PRSS3: variants seen among roughly 807,000 people sequenced by gnomAD.
PRSS3 encodes trypsin-3.
Under a neutral mutation model 20.8 loss-of-function variants are expected in PRSS3, and 14 were observed. The observed-to-expected ratio is 0.67, with a 90% CI of 0.44 to 1.05. The LOEUF is 1.05. Ranked by LOEUF, PRSS3 falls within the 50% of genes least tolerant of loss-of-function variation. PRSS3 has a pLI of 0.00. For synonymous variants in PRSS3, 91 were observed against 117.6 expected, an observed-to-expected ratio of 0.77 and a Z score of 1.46; for missense variants, 237 against 306.4, an observed-to-expected ratio of 0.77 and a Z score of 1.69.
intron 2 of PRSS3, among the ~76,000 whole-genome samples, chr9:33,797,235 G>A (rs764900878): frequency 6.6e-6 from 1 of 151,872 alleles, no homozygotes; most frequent in Non-Finnish European, 1.5e-5. Context: ...CTGCCTACAC[G>A]AAGAACTCTC....
chr9:33,769,338 A>G (rs1392367182), intron 1 of PRSS3, among the ~76,000 whole-genome samples: 1 of 152,176 alleles, frequency 6.6e-6, no homozygotes, highest in Non-Finnish European at 1.5e-5. Context: ...AAGATGGCCA[A>G]TGTGATGCAT....
Position 33,786,951 on chromosome 9 carries a change from G to A in PRSS3, c.-52-7795G>A, listed in dbSNP as rs1824438737. ...CAGAAGAGGAAACCACAGCTCTTGG[G>A]TAGACACAGCTGCTTCTGTGCTTGT... is the stretch of plus-strand genomic sequence containing the variant. On this transcript the variant is annotated intron_variant, in intron 1 of 5. Transcript: ENST00000342836. 6 of 590,228 alleles carry A rather than the reference G, an allele frequency of 1.0e-5. No individual in the cohort carries two copies. The African/African-American group carries it at 1.1e-4, about 11-fold the overall frequency. The allele number at this position is 590,228 out of a possible 1,614,324, so 36.6% of individuals were successfully genotyped here.
At chr9:33,784,828 C>G (rs1309399434) in intron 1 of PRSS3, among the ~76,000 whole-genome samples, 1 of 152,162 alleles carries the variant, frequency 6.6e-6, no homozygotes, top group Admixed American at 6.5e-5. Flanking sequence ...AAGAGTCAGA[C>G]AATACTTGAT....
Position 33,750,996 on chromosome 9 carries a change from G to C in PRSS3, c.-53+269G>C, listed in dbSNP as rs1350614168. 4.3e-6 allele frequency: 3 copies of C among 692,590 alleles called. No individual in the cohort carries two copies. In the Admixed American group the frequency reaches 1.1e-4, roughly 26 times the overall value. The allele number at this position is 692,590 out of a possible 1,614,324, so 42.9% of individuals were successfully genotyped here. ...CCCCTCCGGGCTGCGGCACCGATGC[G>C]CACACTACTCCCACCGCCCCCGAGT... is the stretch of plus-strand genomic sequence containing the variant. On this transcript the variant is annotated intron_variant, in intron 1 of 5. Coordinates refer to the PRSS3 transcript ENST00000342836. This position sits in a 1 kb window ranked among gnomAD's most constrained non-coding sequence, Gnocchi z 4.8.
At chr9:33,755,834 G>A (rs1441646994) in intron 1 of PRSS3, among the ~76,000 whole-genome samples, 1 of 152,260 alleles carries the variant, frequency 6.6e-6, no homozygotes, top group East Asian at 1.9e-4. Context: ...GAAAAGCCAG[G>A]CTGCCATCAA....
chr9:33,781,989 C>T (rs1587388265), intron 1 of PRSS3, among the ~76,000 whole-genome samples: 1 of 152,196 alleles, frequency 6.6e-6, no homozygotes, highest in East Asian at 1.9e-4. Flanking sequence ...TGGCTGGTCA[C>T]GCCCTTGTGC....
intron 2 of PRSS3, among the ~76,000 whole-genome samples, 180 bp from the exon 3 acceptor site, chr9:33,797,649 G>A (rs1304819149): frequency 6.7e-4 from 101 of 150,824 alleles, no homozygotes; most frequent in African/African-American, 2.4e-3. Context: ...AAGCAGAAAG[G>A]TCCTGGGTCT....
upstream of PRSS3, among the ~76,000 whole-genome samples, chr9:33,791,643 T>A (rs1488832369): frequency 2.0e-5 from 3 of 152,250 alleles, no homozygotes; most frequent in Non-Finnish European, 2.9e-5. Flanking sequence ...GGCTTTCTTC[T>A]GCTTCCTGTC....
In PRSS3 at chr9:33,785,160, A is replaced by ATTTTTTTTTTTTTTTTTTTT. The variant is rs74180504; in HGVS notation, c.-52-9570_-52-9551dup. On this transcript the variant is annotated intron_variant, in intron 1 of 5. Transcript: ENST00000342836. ...GAAAAAGATCATAGCATTGTGGTCA[A>ATTTTTTTTTTTTTTTTTTTT]TTTTTTTTTTTTTTTTTTTTTTTTT... Among the ~76,000 whole-genome samples, 24 of 72,496 alleles carry ATTTTTTTTTTTTTTTTTTTT rather than the reference A, an allele frequency of 3.3e-4. 3 individuals are homozygous for ATTTTTTTTTTTTTTTTTTTT. The highest frequency in any genetic ancestry group is 8.3e-4 in the African/African-American group (11 of 13,326). 47.6% of individuals were successfully genotyped at this position (72,496 alleles called of 152,430 possible).
At chr9:33,783,408 A>C (rs1339205971) in intron 1 of PRSS3, among the ~76,000 whole-genome samples, 2 of 152,210 alleles carry the variant, frequency 1.3e-5, no homozygotes, top group African/African-American at 4.8e-5. Context: ...TTAGAAGTGA[A>C]GTATGCTTTC....
chr9:33,769,208 G>C (rs1418817346), intron 1 of PRSS3, among the ~76,000 whole-genome samples: 1 of 152,116 alleles, frequency 6.6e-6, no homozygotes, highest in Non-Finnish European at 1.5e-5. Flanking sequence ...ACTAAAAAAG[G>C]AATTTTTAGA....
At chr9:33,772,218 A>T (rs1389222132) in intron 1 of PRSS3, among the ~76,000 whole-genome samples, 7 of 152,278 alleles carry the variant, frequency 4.6e-5, no homozygotes, top group Non-Finnish European at 8.8e-5. Context: ...AGAGGGAGTT[A>T]AGTGGGATTT....
intron 1 of PRSS3, among the ~76,000 whole-genome samples, chr9:33,770,607 G>T (rs1218527343): frequency 6.6e-6 from 1 of 152,172 alleles, no homozygotes. Flanking sequence ...CTTTAAAGAA[G>T]TAATTAAATT....
chr9:33,797,925 C>T lies in PRSS3; in HGVS notation c.297C>T (p.Tyr99=). 1 of 1,614,268 alleles carries T rather than the reference C, an allele frequency of 6.2e-7. No homozygotes were observed. The highest frequency in any genetic ancestry group is 8.5e-7 in the Non-Finnish European group (1 of 1,180,052). ...CCAAGATCATCCGCCACCCTAAATACAACAGGGACACTCTGGACAATGACA... is the reference window on the plus strand; with the variant it reads ...CCAAGATCATCCGCCACCCTAAATATAACAGGGACACTCTGGACAATGACA... ...NAAKIIRHPK[Y]NRDTLDNDIM... Residue 99 remains tyrosine, a synonymous_variant, in exon 3 of 5, where the codon TAC becomes TAT. Coordinates refer to ENST00000379405, the MANE Select transcript of PRSS3 (RefSeq NM_002771.4).
chr9:33,751,210 C>T (rs1304521491), intron 1 of PRSS3, among the ~76,000 whole-genome samples: 1 of 152,218 alleles, frequency 6.6e-6, no homozygotes, highest in East Asian at 1.9e-4. Flanking sequence ...GCTCACATAG[C>T]TCTGGGCACT....
chr9:33,795,918 AC>A (rs1170789710), intron 1 of PRSS3, among the ~76,000 whole-genome samples: 2 of 152,218 alleles, frequency 1.3e-5, no homozygotes, highest in Non-Finnish European at 1.5e-5. Flanking sequence ...CTCCAAGAGC[AC>A]CAGTATAGCA....
chr9:33,760,200 T>C (rs1823129292), intron 1 of PRSS3, among the ~76,000 whole-genome samples: 1 of 150,934 alleles, frequency 6.6e-6, no homozygotes, highest in African/African-American at 2.4e-5. Context: ...TTTTTTTTGG[T>C]TGTTTGAAAA....
At chr9:33,768,470 G>A (rs1278171351) in intron 1 of PRSS3, among the ~76,000 whole-genome samples, 15 of 151,396 alleles carry the variant, frequency 9.9e-5, no homozygotes, top group South Asian at 2.1e-4. Context: ...GCAATAGAGC[G>A]AGACTCAAAG....
rs1370538318 is a variant in PRSS3, at chr9:33,798,625, G to A, written c.591+3G>A. The A allele has an allele frequency of 6.2e-7, 1 of 1,613,910 alleles. No homozygotes were observed. The highest frequency in any genetic ancestry group is 1.3e-5 in the African/African-American group (1 of 74,924). ...AGGGAGGCAAGGATTCCTGCCAGGT[G>A]ATTTGACCCTTTCCCATGCTGAGGC... On this transcript the variant is annotated splice_donor_region_variant and intron_variant, in intron 4 of 4. Transcript: ENST00000379405.
Sources: gnomAD v4.1 joint callset for allele counts (sites outside exome capture counted in the v4.1 genomes callset) on GRCh38, gnomAD v4.1.1 for gene constraint, Gnocchi (gnomAD v3.1) non-coding constraint, MANE v1.5 for transcripts, NCBI Gene and HGNC (gene_info 2026-07-23, HGNC 2026-07-21) for gene names.